Variants in RYR2 observed in about 807,000 individuals in gnomAD.
RYR2 encodes the protein ryanodine receptor 2, also known as cardiac muscle ryanodine receptor-calcium release channel.
A neutral mutation model predicts 601.1 loss-of-function variants in RYR2; 227 were observed. The ratio of observed to expected loss-of-function variants is 0.38; its 90% CI spans 0.34 to 0.42. RYR2 has a LOEUF of 0.42. Ranked by LOEUF, RYR2 falls within the 10% of genes least tolerant of loss-of-function variation. The pLI is 1.00. For synonymous variants in RYR2, 2,223 were observed against 2,175.1 expected, an observed-to-expected ratio of 1.02 and a Z score of -0.61; for missense variants, 4,646 against 6,156.5, an observed-to-expected ratio of 0.75 and a Z score of 8.21.
chr1:237,730,625 T>C (rs967755104), intron 77 of RYR2, among the ~76,000 whole-genome samples: 3 of 152,142 alleles, frequency 2.0e-5, no homozygotes, highest in African/African-American at 7.2e-5. Flanking sequence ...ATTTAGTCTT[T>C]CTTTTAAATT....
intron 1 of RYR2, among the ~76,000 whole-genome samples, chr1:237,187,610 AT>A (rs1054121629): frequency 2.6e-5 from 4 of 151,514 alleles, no homozygotes; most frequent in African/African-American, 9.7e-5. Context: ...CACCCAGCTA[AT>A]TTTTTAATTC....
chr1:237,098,487 G>A (rs551670197), intron 1 of RYR2, among the ~76,000 whole-genome samples: 449 of 151,554 alleles, frequency 3.0e-3, no homozygotes, highest in Non-Finnish European at 4.8e-3. Flanking sequence ...TTATTAACAT[G>A]CTGTCCATTA....
intron 1 of RYR2, among the ~76,000 whole-genome samples, chr1:237,150,453 T>C (rs542653931): frequency 1.3e-5 from 2 of 152,168 alleles, no homozygotes; most frequent in East Asian, 3.8e-4. Flanking sequence ...TTTTCTGTTT[T>C]TGTATCCCCG....
chr1:237,266,738 G>T (rs1689098347), intron 1 of RYR2, among the ~76,000 whole-genome samples: 1 of 152,224 alleles, frequency 6.6e-6, no homozygotes, highest in African/African-American at 2.4e-5. Flanking sequence ...ATCATTCAAA[G>T]TTGAACCACG....
At chr1:237,474,036 G>A (rs552880678) in intron 17 of RYR2, among the ~76,000 whole-genome samples, 4 of 152,042 alleles carry the variant, frequency 2.6e-5, no homozygotes, top group African/African-American at 4.8e-5. Context: ...GGGGAAAGAC[G>A]TGTGAGTAGA....
At chr1:237,827,437 C>G (rs542777968) in intron 101 of RYR2, among the ~76,000 whole-genome samples, 1 of 152,028 alleles carries the variant, frequency 6.6e-6, no homozygotes, top group East Asian at 1.9e-4. Context: ...GAGTTTGAGA[C>G]CAGCCTGGTC....
At chr1:237,045,183 A>T (rs560817761) in intron 1 of RYR2, among the ~76,000 whole-genome samples, 8 of 152,182 alleles carry the variant, frequency 5.3e-5, no homozygotes, top group South Asian at 2.1e-4. Context: ...TGTCTATTGG[A>T]TTTGTATTCA....
intron 1 of RYR2, among the ~76,000 whole-genome samples, chr1:237,098,724 A>T (rs961123390): frequency 2.0e-5 from 3 of 152,202 alleles, no homozygotes; most frequent in Non-Finnish European, 4.4e-5. Context: ...AATCTAAAAA[A>T]GTCAAACTCA....
Position 237,369,519 on chromosome 1 carries a change from C to G in RYR2, c.310-15C>G. The G allele has an allele frequency of 6.4e-7, 1 of 1,553,972 alleles. No individual in the cohort carries two copies. The highest frequency in any genetic ancestry group is 8.7e-7 in the Non-Finnish European group (1 of 1,147,170). ...TTTTTCTCTCTTGTTCTCCTTTTTT[C>G]TCTTCTCTCTAAAGACTGCTCAAGG... On this transcript the variant is annotated splice_polypyrimidine_tract_variant and intron_variant, in intron 5 of 104. Transcript: ENST00000366574.
rs1658970864 is a variant in RYR2, at chr1:237,795,350, C to CAAGTAATA, written c.13956+19_13956+20insAAGTAATA. ...AAGAAAGGTAATATTACTTGGAATC[C>CAAGTAATA]TCTACATTTTTCTTAAAGCACAGTT... On this transcript the variant is annotated intron_variant, in intron 96 of 104. Transcript: ENST00000366574. 7.6e-7 allele frequency: 1 copy of CAAGTAATA among 1,316,708 alleles called. No individual in the cohort carries two copies. Among genetic ancestry groups the CAAGTAATA allele is most frequent in the Non-Finnish European group, 1.1e-6 (1 of 946,248 alleles). The allele number at this position is 1,316,708 out of a possible 1,614,324, so 81.6% of individuals were successfully genotyped here. A position where few individuals can be genotyped will look rare whatever the true frequency, so the allele number is the denominator to read the frequency against.
Position 237,610,493 on chromosome 1 carries a change from T to C in RYR2, c.4684-269T>C, listed in dbSNP as rs1677719476. Among the ~76,000 whole-genome samples, 1 of 152,206 alleles carries C rather than the reference T, an allele frequency of 6.6e-6. No homozygotes were observed. The highest frequency in any genetic ancestry group is 1.5e-5 in the Non-Finnish European group (1 of 68,026). ...ATATATGGGTATGCTTGGCCTTCTC[T>C]CTGTGCCATTCAGTATATGGGAAAG... On this transcript the variant is annotated intron_variant, in intron 35 of 104. Coordinates refer to ENST00000366574, the MANE Select transcript of RYR2 (RefSeq NM_001035.3). The surrounding 1 kb of genome is among the most constrained non-coding windows in gnomAD (Gnocchi z 4.9).
At chr1:237,127,995 G>A (rs1343377925) in intron 1 of RYR2, among the ~76,000 whole-genome samples, 1 of 152,250 alleles carries the variant, frequency 6.6e-6, no homozygotes, top group Non-Finnish European at 1.5e-5. Flanking sequence ...CGGCCGGGCA[G>A]AGGCTGCAAT....
chr1:237,833,156 A>AAAAACATCTTTATTTTCTTTATG lies in RYR2; in HGVS notation c.*510_*532dup, dbSNP rs1663992455. ...AGCTATGCAGAAGATACGTGCATGAAAAAACATCTTTATTTTCTTTATGTC... is the reference window on the plus strand; with the variant it reads ...AGCTATGCAGAAGATACGTGCATGAAAAAACATCTTTATTTTCTTTATGAAAACATCTTTATTTTCTTTATGTC... On this transcript the variant is annotated 3_prime_UTR_variant, in exon 105 of 105. Transcript: ENST00000366574. The AAAAACATCTTTATTTTCTTTATG allele has an allele frequency of 6.6e-6, 1 of 152,536 alleles. No homozygotes were observed. Among genetic ancestry groups the AAAAACATCTTTATTTTCTTTATG allele is most frequent in the Non-Finnish European group, 1.5e-5 (1 of 68,028 alleles). 9.4% of individuals were successfully genotyped at this position (152,536 alleles called of 1,614,324 possible).
At chr1:237,210,287 G>A (rs1447511362) in intron 1 of RYR2, among the ~76,000 whole-genome samples, 1 of 151,834 alleles carries the variant, frequency 6.6e-6, no homozygotes, top group Non-Finnish European at 1.5e-5. Flanking sequence ...GATAATTTTG[G>A]GACTATTTCA....
chr1:237,764,283 A>G (rs1039476851), intron 84 of RYR2, among the ~76,000 whole-genome samples: 8 of 152,178 alleles, frequency 5.3e-5, no homozygotes, highest in Admixed American at 3.3e-4. Context: ...CTGAGACTGA[A>G]ATGCAGGCAT....
intron 10 of RYR2, among the ~76,000 whole-genome samples, chr1:237,415,223 A>C (rs1704854146): frequency 6.6e-6 from 1 of 152,164 alleles, no homozygotes; most frequent in South Asian, 2.1e-4. Context: ...TCCTGACTCC[A>C]GATCTGTTTA....
chr1:237,533,594 G>T (rs540313702), intron 25 of RYR2, among the ~76,000 whole-genome samples: 2 of 152,186 alleles, frequency 1.3e-5, no homozygotes, highest in East Asian at 3.9e-4. Context: ...TGACACCATA[G>T]ATGAACCTAA....
At chr1:237,459,303 G>A (rs1659199056) in intron 16 of RYR2, among the ~76,000 whole-genome samples, 1 of 152,138 alleles carries the variant, frequency 6.6e-6, no homozygotes, top group Non-Finnish European at 1.5e-5. Flanking sequence ...AATAAAAACT[G>A]GCTGGATGCA....
intron 48 of RYR2, 145 bp from the exon 49 acceptor site, chr1:237,648,299 A>G (rs371444928): frequency 1.4e-6 from 1 of 707,614 alleles, no homozygotes; most frequent in Admixed American, 3.4e-5. Flanking sequence ...GCAAACTCCC[A>G]TAATAGCTTG....
Sources: allele counts gnomAD v4.1 joint callset (sites outside exome capture counted in the v4.1 genomes callset), GRCh38; gene constraint gnomAD v4.1.1; non-coding constraint Gnocchi (gnomAD v3.1); transcripts MANE v1.5; gene names NCBI Gene and HGNC (gene_info 2026-07-23, HGNC 2026-07-21).